Variants in CD244 observed in about 807,000 individuals in gnomAD.
CD244 encodes the protein CD244 molecule, also known as natural killer cell receptor 2B4.
In CD244, 20 loss-of-function variants were observed where a neutral mutation model predicts 45.5. The ratio of observed to expected loss-of-function variants is 0.44; its 90% CI spans 0.31 to 0.64. CD244 has a LOEUF of 0.64. Among genes scored for constraint, CD244 ranks in the 30% least tolerant of loss-of-function variants. CD244 has a pLI of 0.08. For missense variants in CD244, 407 were observed against 426.9 expected, an observed-to-expected ratio of 0.95 and a Z score of 0.41; for synonymous variants, 185 against 160.5, an observed-to-expected ratio of 1.15 and a Z score of -1.15.
chr1:160,858,353 C>T (rs1032614202), intron 1 of CD244, among the ~76,000 whole-genome samples: 23 of 152,274 alleles, frequency 1.5e-4, no homozygotes, highest in African/African-American at 5.5e-4. Context: ...ACACAATCTA[C>T]GCAAACAGCT....
intron 1 of CD244, among the ~76,000 whole-genome samples, chr1:160,844,627 A>G (rs1212124785): frequency 1.3e-5 from 2 of 152,288 alleles, no homozygotes; most frequent in Middle Eastern, 6.8e-3. Flanking sequence ...CCTGCTGGAG[A>G]ATAAGATATC....
chr1:160,836,667 C>G (rs1013934341), intron 5 of CD244, among the ~76,000 whole-genome samples: 1 of 152,170 alleles, frequency 6.6e-6, no homozygotes, highest in Non-Finnish European at 1.5e-5. Context: ...ATCTTTGAGG[C>G]CACCTTGCCC....
At chr1:160,832,148 A>G (rs1204088646) in intron 8 of CD244, among the ~76,000 whole-genome samples, 2 of 152,124 alleles carry the variant, frequency 1.3e-5, no homozygotes, top group African/African-American at 4.8e-5. Flanking sequence ...AAGACTTGCT[A>G]ATTTTAGAAA....
At chr1:160,834,962 A>G (rs1050821393) in intron 6 of CD244, among the ~76,000 whole-genome samples, 1 of 152,220 alleles carries the variant, frequency 6.6e-6, no homozygotes, top group Admixed American at 6.5e-5. Flanking sequence ...TCTTTCTTGC[A>G]CTGATAGAAA....
intron 1 of CD244, among the ~76,000 whole-genome samples, chr1:160,850,803 C>T (rs1476591253): frequency 6.6e-6 from 1 of 152,144 alleles, no homozygotes; most frequent in East Asian, 1.9e-4. Context: ...ACTGGATGTC[C>T]TCTAATTCAG....
Position 160,830,602 on chromosome 1 carries a change from TTCATAAATCAAACA to T in CD244, c.*731_*744del, listed in dbSNP as rs1669077441. On this transcript the variant is annotated 3_prime_UTR_variant, in exon 9 of 9. Transcript: ENST00000368034. ...CCAAATGGATTTCTAACAATGCGTC[TTCATAAATCAAACA>T]TCATACCATGGACAAAGCTGGTCTC... is the stretch of plus-strand genomic sequence containing the variant. 1 of 152,324 alleles carries T rather than the reference TTCATAAATCAAACA, an allele frequency of 6.6e-6. No homozygotes were observed. Among genetic ancestry groups the T allele is most frequent in the African/African-American group, 2.4e-5 (1 of 41,438 alleles). 9.4% of individuals were successfully genotyped at this position (152,324 alleles called of 1,614,324 possible).
chr1:160,834,062 G>C lies in CD244; in HGVS notation c.949C>G (p.Pro317Ala), dbSNP rs1249699836. Reference protein sequence around the residue: ...PAYTLYSLIQPSRKSGSRKRN... With the variant: ...PAYTLYSLIQASRKSGSRKRN... ...GGGAAGAGGCTCACCTTCCTGGAAG[G>C]CTGAATTAATGAATATAATGTATAT... The change falls in exon 7 of 9, where the codon CCT becomes GCT. Residue 317 changes from proline to alanine, a missense_variant. Pro to Ala is a conservative substitution (Grantham distance 27). Transcript: ENST00000368034. The C allele has an allele frequency of 2.5e-6, 4 of 1,610,514 alleles. No homozygotes were observed. The highest frequency in any genetic ancestry group is 2.2e-5 in the South Asian group (2 of 91,000).
chr1:160,836,136 G>A, intron 6 of CD244, 59 bp downstream of exon 6: 1 of 1,257,536 alleles, frequency 8.0e-7, no homozygotes, highest in Non-Finnish European at 1.2e-6. Flanking sequence ...GAGTTTCAGG[G>A]GGGCATTAGG....
chr1:160,840,126 A>G (rs1459814957), intron 3 of CD244, among the ~76,000 whole-genome samples: 1 of 150,334 alleles, frequency 6.7e-6, no homozygotes, highest in East Asian at 1.9e-4. Flanking sequence ...GAGATCACAG[A>G]GCTTCTTTTT....
chr1:160,851,807 C>A (rs1008299204), intron 1 of CD244, among the ~76,000 whole-genome samples: 1 of 152,002 alleles, frequency 6.6e-6, no homozygotes, highest in African/African-American at 2.4e-5. Flanking sequence ...CCTCCCAAAG[C>A]GCTGAGATTA....
intron 7 of CD244, 69 bp downstream of exon 7, chr1:160,833,982 A>G (rs978287236): frequency 1.2e-5 from 13 of 1,116,192 alleles, no homozygotes; most frequent in Non-Finnish European, 1.8e-5. Context: ...ACACACTCTC[A>G]CTGCAAACAC....
At chr1:160,841,558 C>A in intron 2 of CD244, 26 bp downstream of exon 2, 1 of 1,611,548 alleles carries the variant, frequency 6.2e-7, no homozygotes, top group Non-Finnish European at 8.5e-7. Context: ...TCAGAGAGGG[C>A]AGTATGAACA....
chr1:160,836,137 G>T (rs1254055269), intron 6 of CD244, 58 bp downstream of exon 6: 29 of 1,261,902 alleles, frequency 2.3e-5, no homozygotes, highest in Non-Finnish European at 3.1e-5. Context: ...AGTTTCAGGG[G>T]GGCATTAGGA....
intron 3 of CD244, among the ~76,000 whole-genome samples, chr1:160,840,570 G>T (rs898721593): frequency 2.6e-5 from 4 of 152,044 alleles, no homozygotes; most frequent in Non-Finnish European, 5.9e-5. Context: ...CCTCAGTCTT[G>T]TTTCTTTTTT....
intron 1 of CD244, among the ~76,000 whole-genome samples, chr1:160,846,331 A>G (rs1669737528): frequency 6.6e-6 from 1 of 152,222 alleles, no homozygotes; most frequent in Admixed American, 6.5e-5. Context: ...TGATATATTT[A>G]AAGTGCTGAA....
intron 1 of CD244, among the ~76,000 whole-genome samples, chr1:160,845,106 T>C (rs1268440757): frequency 6.6e-6 from 1 of 152,148 alleles, no homozygotes; most frequent in East Asian, 1.9e-4. Context: ...AATTGCCAAC[T>C]AGCAGAATCA....
chr1:160,830,329 C>G lies in CD244; in HGVS notation c.*1018G>C, dbSNP rs1176459752. The G allele has an allele frequency of 6.6e-6, 1 of 152,368 alleles. No individual in the cohort carries two copies. The highest frequency in any genetic ancestry group is 1.5e-5 in the Non-Finnish European group (1 of 68,094). The allele number at this position is 152,368 out of a possible 1,614,324, so 9.4% of individuals were successfully genotyped here. On this transcript the variant is annotated 3_prime_UTR_variant, in exon 9 of 9. Transcript: ENST00000368034. ...CTGAGTAAGTCCTCTCCCAGTTCAC[C>G]CTTGTCGCTTTCCTGGGCTCAGCCA...
At chr1:160,839,406 G>T (rs1465676068) in intron 3 of CD244, among the ~76,000 whole-genome samples, 1 of 152,158 alleles carries the variant, frequency 6.6e-6, no homozygotes, top group Non-Finnish European at 1.5e-5. Context: ...ACCTATAGGG[G>T]TTAATTACAT....
chr1:160,855,410 T>C (rs1289593404), intron 1 of CD244, among the ~76,000 whole-genome samples: 3 of 152,106 alleles, frequency 2.0e-5, no homozygotes, highest in Non-Finnish European at 4.4e-5. Context: ...GGAATGAGTT[T>C]CCATGGACGG....
Sources: gnomAD v4.1 joint callset for allele counts (sites outside exome capture counted in the v4.1 genomes callset) on GRCh38, gnomAD v4.1.1 for gene constraint, MANE v1.5 for transcripts, NCBI Gene and HGNC (gene_info 2026-07-23, HGNC 2026-07-21) for gene names.